Variants in DOCK8 observed in about 807,000 individuals in gnomAD.
The protein encoded by DOCK8 is dedicator of cytokinesis protein 8.
In DOCK8, 141 loss-of-function variants were observed where a neutral mutation model predicts 245.6. That is an observed-to-expected ratio of 0.57 (90% CI 0.50 to 0.66). The LOEUF (loss-of-function observed/expected upper bound fraction) is 0.66, where lower values mean the gene tolerates loss of function less well. Among genes scored for constraint, DOCK8 ranks in the 30% least tolerant of loss-of-function variants. The pLI, the probability that DOCK8 is intolerant of heterozygous loss-of-function variation, is 0.00. For synonymous variants in DOCK8, 1,168 were observed against 970.2 expected (o/e 1.20, Z -3.79); for missense variants, 2,965 against 2,603.4 (o/e 1.14, Z -3.02).
intron 36 of DOCK8, among the ~76,000 whole-genome samples, chr9:431,658 A>G (rs1031465149): frequency 6.6e-6 from 1 of 152,040 alleles, no homozygotes; most frequent in Non-Finnish European, 1.5e-5. Context: ...ACAGGTGTCC[A>G]CCACCATGCC....
intron 44 of DOCK8, 28 bp from the exon 45 acceptor site, chr9:449,756 C>G (rs1222006990): frequency 1.2e-6 from 2 of 1,612,122 alleles, no homozygotes; most frequent in Non-Finnish European, 8.5e-7. Flanking sequence ...CAGACAGTGA[C>G]TTCCCTATGT....
chr9:331,271 G>A (rs559391752), intron 9 of DOCK8, among the ~76,000 whole-genome samples: 6 of 152,260 alleles, frequency 3.9e-5, no homozygotes, highest in South Asian at 4.1e-4. Flanking sequence ...CAAGTGTTAC[G>A]TGCTTATGTT....
At chr9:230,651 G>C (rs1361642677) in intron 1 of DOCK8, among the ~76,000 whole-genome samples, 4 of 151,818 alleles carry the variant, frequency 2.6e-5, no homozygotes, top group Non-Finnish European at 5.9e-5. Context: ...CTGATGGCCA[G>C]TGATGGTGAG....
chr9:382,936 G>C (rs1301092679), intron 22 of DOCK8, among the ~76,000 whole-genome samples: 1 of 152,016 alleles, frequency 6.6e-6, no homozygotes, highest in Non-Finnish European at 1.5e-5. Flanking sequence ...TAAAGCATCA[G>C]GGGTTTAGCC....
Position 391,821 on chromosome 9 carries a change from C to CTTTTTTTTTTT in DOCK8, c.2970+1268_2970+1278dup, listed in dbSNP as rs373810616. On this transcript the variant is annotated intron_variant, in intron 24 of 47. Coordinates refer to ENST00000432829, the MANE Select transcript of DOCK8 (RefSeq NM_203447.4). ...CTTTCCCCTGTCCCATTAAGTGAAT[C>CTTTTTTTTTTT]TTTTTTTTTTTTTTTTTTTTTTTAA... 5.0e-3 allele frequency among the ~76,000 whole-genome samples: 579 copies of CTTTTTTTTTTT among 116,230 alleles called. 11 individuals carry two copies. The highest frequency in any genetic ancestry group is 0.01 in the African/African-American group (332 of 32,182). The allele number at this position is 116,230 out of a possible 152,430, so 76.3% of individuals were successfully genotyped here.
At chr9:292,536 A>G (rs2049091515) in intron 4 of DOCK8, among the ~76,000 whole-genome samples, 2 of 150,424 alleles carry the variant, frequency 1.3e-5, no homozygotes, top group South Asian at 4.2e-4. Flanking sequence ...TAGATTAGGC[A>G]TCTTTCTTCT....
chr9:334,412 G>C (rs1232707054), intron 11 of DOCK8, 28 bp downstream of exon 11: 1 of 1,609,276 alleles, frequency 6.2e-7, no homozygotes, highest in East Asian at 2.2e-5. Flanking sequence ...AGTGGGAAAG[G>C]GAGGGCTCCC....
intron 28 of DOCK8, among the ~76,000 whole-genome samples, chr9:408,160 C>T (rs1431835432): frequency 6.6e-6 from 1 of 152,158 alleles, no homozygotes; most frequent in Non-Finnish European, 1.5e-5. Flanking sequence ...GGATTTTTAT[C>T]TAAATGGAAT....
intron 1 of DOCK8, among the ~76,000 whole-genome samples, chr9:227,738 G>A (rs938865841): frequency 1.3e-5 from 2 of 152,150 alleles, no homozygotes; most frequent in Admixed American, 1.3e-4. Flanking sequence ...AGTCATCTGT[G>A]AGGTGGAGAT....
intron 1 of DOCK8, among the ~76,000 whole-genome samples, chr9:237,752 G>A (rs1169770410): frequency 6.6e-6 from 1 of 152,160 alleles, no homozygotes; most frequent in African/African-American, 2.4e-5. Flanking sequence ...ACATTGATAA[G>A]CAGCCGGGTT....
At chr9:305,572 A>G (rs887082398) in intron 5 of DOCK8, among the ~76,000 whole-genome samples, 2 of 152,202 alleles carry the variant, frequency 1.3e-5, no homozygotes, top group Non-Finnish European at 2.9e-5. Context: ...GGCATGAGCC[A>G]CCACGCCTGG....
intron 36 of DOCK8, among the ~76,000 whole-genome samples, chr9:431,938 G>A (rs1002592988): frequency 6.6e-5 from 10 of 152,288 alleles, no homozygotes; most frequent in African/African-American, 2.4e-4. Flanking sequence ...AAAATTTAAA[G>A]GGAGCCTGAC....
intron 25 of DOCK8, among the ~76,000 whole-genome samples, chr9:398,806 A>T (rs2054587151): frequency 1.3e-5 from 2 of 151,850 alleles, no homozygotes; most frequent in African/African-American, 2.4e-5. Flanking sequence ...AAAAAAAGAA[A>T]ATAGTTACAA....
intron 44 of DOCK8, among the ~76,000 whole-genome samples, chr9:446,932 T>A (rs541423753): frequency 1.3e-5 from 2 of 152,076 alleles, no homozygotes; most frequent in South Asian, 4.1e-4. Flanking sequence ...TTTAAATATT[T>A]TATATAAAAT....
At chr9:415,120 CAAAA>C (rs373687394) in intron 29 of DOCK8, among the ~76,000 whole-genome samples, 169 bp downstream of exon 29, 4 of 151,898 alleles carry the variant, frequency 2.6e-5, no homozygotes, top group Non-Finnish European at 5.9e-5. Context: ...GTTAAAAAAA[CAAAA>C]AAAGTCACAT....
chr9:219,711 A>G (rs2046841772), intron 1 of DOCK8, among the ~76,000 whole-genome samples: 1 of 152,174 alleles, frequency 6.6e-6, no homozygotes, highest in Non-Finnish European at 1.5e-5. Context: ...AGCCTGGGCA[A>G]CATAGCAAAA....
intron 26 of DOCK8, among the ~76,000 whole-genome samples, chr9:401,939 C>A: frequency 6.6e-6 from 1 of 152,188 alleles, no homozygotes; most frequent in East Asian, 1.9e-4. Flanking sequence ...TGCCCTGCAG[C>A]GGATCTTCTG....
At chr9:216,317 C>G (rs1259190977) in intron 1 of DOCK8, among the ~76,000 whole-genome samples, 1 of 151,960 alleles carries the variant, frequency 6.6e-6, no homozygotes. Context: ...ATTACTTGAG[C>G]CCAGAGTTTG....
Position 334,255 on chromosome 9 carries a change from C to T in DOCK8, c.1156C>T (p.Gln386Ter), listed in dbSNP as rs2051199602. The T allele has an allele frequency of 6.2e-7, 1 of 1,614,054 alleles. No individual in the cohort carries two copies. Among genetic ancestry groups the T allele is most frequent in the Non-Finnish European group, 8.5e-7 (1 of 1,180,042 alleles). Reference protein sequence around the residue: ...SKEKIEKLKLQAESFCQRLGK... With the variant: ...SKEKIEKLKL ...AGAAAAGATTGAAAAACTAAAACTCCAAGCTGAATCCTTCTGCCAGCGTTT... is the reference window on the plus strand; with the variant it reads ...AGAAAAGATTGAAAAACTAAAACTCTAAGCTGAATCCTTCTGCCAGCGTTT... Residue 386 changes from glutamine to a stop codon, truncating the protein, a stop_gained, in exon 11 of 48, where the codon CAA (glutamine) becomes TAA (stop). Transcript: ENST00000432829. LOFTEE classifies it high-confidence loss of function.
Sources: allele counts gnomAD v4.1 joint callset (sites outside exome capture counted in the v4.1 genomes callset), GRCh38; gene constraint gnomAD v4.1.1; transcripts MANE v1.5; gene names NCBI Gene and HGNC (gene_info 2026-07-23, HGNC 2026-07-21).